Variants in ATAD2B observed in about 807,000 individuals in gnomAD.
The protein encoded by ATAD2B is ATPase family AAA domain containing 2B.
A neutral mutation model predicts 167.6 loss-of-function variants in ATAD2B; 40 were observed. That is an observed-to-expected ratio of 0.24 (90% CI 0.19 to 0.31). The LOEUF (loss-of-function observed/expected upper bound fraction) is 0.31, where lower values mean the gene tolerates loss of function less well. Among genes scored for constraint, ATAD2B ranks in the 10% least tolerant of loss-of-function variants. The pLI is 1.00. For synonymous variants in ATAD2B, 579 were observed against 596.5 expected (o/e 0.97, Z 0.43); for missense variants, 1,242 against 1,757.2 (o/e 0.71, Z 5.24).
At chr2:23,835,472 A>G (rs1689776596) in intron 13 of ATAD2B, among the ~76,000 whole-genome samples, 2 of 152,224 alleles carry the variant, frequency 1.3e-5, no homozygotes, top group Admixed American at 6.5e-5. Flanking sequence ...TCTATAGAAA[A>G]AGAAAGTATA....
At chr2:23,817,567 C>G (rs903381954) in intron 17 of ATAD2B, among the ~76,000 whole-genome samples, 1 of 152,168 alleles carries the variant, frequency 6.6e-6, no homozygotes, top group Admixed American at 6.5e-5. Flanking sequence ...ATGTTTGTCA[C>G]CCCCAACCAT....
At chr2:23,794,428 A>G (rs1222532435) in intron 19 of ATAD2B, among the ~76,000 whole-genome samples, 1 of 152,184 alleles carries the variant, frequency 6.6e-6, no homozygotes, top group Non-Finnish European at 1.5e-5. Context: ...TGAAGTATAT[A>G]ATGAAAACCC....
intron 22 of ATAD2B, among the ~76,000 whole-genome samples, chr2:23,770,157 A>G (rs1678102224): frequency 7.3e-6 from 1 of 136,232 alleles, no homozygotes; most frequent in Middle Eastern, 3.9e-3. Flanking sequence ...TAAAAATACA[A>G]AAAAAAAAAA....
At chr2:23,851,814 T>C (rs1692616741) in intron 13 of ATAD2B, among the ~76,000 whole-genome samples, 1 of 151,462 alleles carries the variant, frequency 6.6e-6, no homozygotes, top group Non-Finnish European at 1.5e-5. Context: ...AAAGGTAGTA[T>C]AAAATTGGAA....
chr2:23,794,700 G>A (rs1008882823), intron 19 of ATAD2B, among the ~76,000 whole-genome samples: 2 of 151,630 alleles, frequency 1.3e-5, no homozygotes, highest in African/African-American at 4.8e-5. Context: ...GAAATATACT[G>A]TACTATTAAA....
chr2:23,764,263 C>T (rs1345557582), intron 23 of ATAD2B, among the ~76,000 whole-genome samples: 1 of 152,222 alleles, frequency 6.6e-6, no homozygotes, highest in African/African-American at 2.4e-5. Flanking sequence ...TTCTTCCCGC[C>T]AAGGCAATTC....
At chr2:23,681,191 G>T in the ATAD2B span, among the ~76,000 whole-genome samples, 4 of 152,332 alleles carry the variant, frequency 2.6e-5, no homozygotes, top group East Asian at 7.7e-4. This position sits in a 1 kb window ranked among gnomAD's most constrained non-coding sequence, Gnocchi z 4.2. Flanking sequence ...CCAGCCAATC[G>T]ATACTAGGAA....
chr2:23,839,516 T>C (rs1005027854), intron 13 of ATAD2B, among the ~76,000 whole-genome samples: 2 of 152,146 alleles, frequency 1.3e-5, no homozygotes, highest in Non-Finnish European at 2.9e-5. Context: ...TTTTCTCTAA[T>C]ATGAAAATGT....
At chr2:23,791,184 T>C (rs139074334) in intron 19 of ATAD2B, among the ~76,000 whole-genome samples, 88 of 152,352 alleles carry the variant, frequency 5.8e-4, no homozygotes, top group Admixed American at 1.2e-3. Flanking sequence ...CATTCACCAA[T>C]TAAGGAACAT....
chr2:23,881,031 T>G (rs767385426), intron 6 of ATAD2B, among the ~76,000 whole-genome samples: 8 of 152,234 alleles, frequency 5.3e-5, no homozygotes, highest in Non-Finnish European at 1.0e-4. Context: ...ACTTTGATTC[T>G]CCTTGTTCAT....
At chr2:23,916,480 A>G (rs1026258965) in intron 1 of ATAD2B, among the ~76,000 whole-genome samples, 6 of 152,212 alleles carry the variant, frequency 3.9e-5, no homozygotes, top group Admixed American at 2.0e-4. Context: ...TCTAAATTCA[A>G]GTCCAAAAAT....
chr2:23,876,872 A>G (rs1696926375), intron 7 of ATAD2B, among the ~76,000 whole-genome samples: 1 of 151,908 alleles, frequency 6.6e-6, no homozygotes, highest in Admixed American at 6.6e-5. Flanking sequence ...GTTCAAGACC[A>G]GCCTGACCAA....
rs369052108 is a variant in ATAD2B at position 23,751,234 on chromosome 2, T to C, written c.*812A>G. On this transcript the variant is annotated 3_prime_UTR_variant, in exon 28 of 28. Coordinates refer to ENST00000238789, the MANE Select transcript of ATAD2B (RefSeq NM_017552.4). Reference sequence around the variant, plus strand: ...GTGTATTATTCTTTGTTGTTATTCATGTTTCTTAAACCAAAACAGACCTTA... The same window carrying C: ...GTGTATTATTCTTTGTTGTTATTCACGTTTCTTAAACCAAAACAGACCTTA... The C allele has an allele frequency of 2.0e-5, 3 of 152,140 alleles. No individual in the cohort carries two copies. In the East Asian group the frequency reaches 5.8e-4, roughly 29 times the overall value. 9.4% of individuals were successfully genotyped at this position (152,140 alleles called of 1,614,324 possible). A position where few individuals can be genotyped will look rare whatever the true frequency, so the allele number is the denominator to read the frequency against.
intron 15 of ATAD2B, among the ~76,000 whole-genome samples, chr2:23,826,870 C>T (rs1688340692): frequency 6.6e-6 from 1 of 152,134 alleles, no homozygotes; most frequent in African/African-American, 2.4e-5. Context: ...GCAAAAACCT[C>T]TAAGAACTTG....
chr2:23,881,421 C>A (rs566422133), intron 6 of ATAD2B, among the ~76,000 whole-genome samples: 1 of 135,158 alleles, frequency 7.4e-6, no homozygotes, highest in Non-Finnish European at 1.5e-5. Context: ...AGTACAGTGG[C>A]GTGATCTGGG....
chr2:23,755,498 A>G (rs2149302529), intron 25 of ATAD2B, among the ~76,000 whole-genome samples: 1 of 152,282 alleles, frequency 6.6e-6, no homozygotes, highest in South Asian at 2.1e-4. Context: ...TGGGTAGACC[A>G]TGGAGCCCTG....
chr2:23,745,432 G>GA (rs1674820759), downstream of ATAD2B, among the ~76,000 whole-genome samples: 6 of 113,056 alleles, frequency 5.3e-5, no homozygotes, highest in Non-Finnish European at 9.7e-5. Context: ...AAAGGGAAGG[G>GA]AAGGGAAGGG....
intron 24 of ATAD2B, among the ~76,000 whole-genome samples, chr2:23,761,837 G>A (rs1038589466): frequency 2.0e-5 from 3 of 152,124 alleles, no homozygotes; most frequent in African/African-American, 4.8e-5. Flanking sequence ...CCCACATGCG[G>A]GAGTGTCCAT....
chr2:23,796,573 T>C (rs1303559480), intron 19 of ATAD2B, among the ~76,000 whole-genome samples: 2 of 152,186 alleles, frequency 1.3e-5, no homozygotes, highest in Non-Finnish European at 2.9e-5. Context: ...GAATATTCCC[T>C]ATATATTCCC....
Sources: gnomAD v4.1 joint callset for allele counts (sites outside exome capture counted in the v4.1 genomes callset) on GRCh38, gnomAD v4.1.1 for gene constraint, Gnocchi (gnomAD v3.1) non-coding constraint, MANE v1.5 for transcripts, NCBI Gene and HGNC (gene_info 2026-07-23, HGNC 2026-07-21) for gene names.